Variants in MTA3 observed in about 807,000 individuals in gnomAD.
MTA3 encodes metastasis associated 1 family member 3.
In MTA3, 34 loss-of-function variants were observed where a neutral mutation model predicts 83.5. That is an observed-to-expected ratio of 0.41 (90% confidence interval 0.31 to 0.54). The LOEUF (loss-of-function observed/expected upper bound fraction) is 0.54, where lower values mean the gene tolerates loss of function less well. Ranked by LOEUF, MTA3 falls within the 20% of genes least tolerant of loss-of-function variation. MTA3 has a pLI of 0.33. For synonymous variants in MTA3, 303 were observed against 252.7 expected (o/e 1.20, Z -1.89); for missense variants, 761 against 726.4 (o/e 1.05, Z -0.55).
intron 2 of MTA3, among the ~76,000 whole-genome samples, chr2:42,544,538 T>C (rs1676671166): frequency 7.3e-6 from 1 of 137,602 alleles, no homozygotes. Context: ...CAAAAATAAC[T>C]TTTTTTTTTT....
At chr2:42,677,939 G>A (rs528511243) in intron 8 of MTA3, among the ~76,000 whole-genome samples, 5 of 152,210 alleles carry the variant, frequency 3.3e-5, no homozygotes, top group East Asian at 1.9e-4. Context: ...AGTTGGCTAC[G>A]GGTAACTGAA....
chr2:42,749,301 A>C (rs1423391129), intron 16 of MTA3, among the ~76,000 whole-genome samples: 1 of 152,052 alleles, frequency 6.6e-6, no homozygotes, highest in Non-Finnish European at 1.5e-5. Flanking sequence ...TATTCATCTC[A>C]TACTGCATGA....
In MTA3 at chr2:42,568,641, C is replaced by T; in HGVS notation, c.-105C>T. ...CCCTCCCTTCCCCCCCGTGGCGAGG[C>T]AGCAGCGACGGCGGCGGCGGCAGCG... On this transcript the variant is annotated 5_prime_UTR_variant, in exon 1 of 17. Coordinates refer to ENST00000405094, the MANE Select transcript of MTA3 (RefSeq NM_001330442.2). 3 of 573,482 alleles carry T rather than the reference C, an allele frequency of 5.2e-6. No individual in the cohort carries two copies. The highest frequency in any genetic ancestry group is 9.2e-5 in the East Asian group (1 of 10,814). The allele number at this position is 573,482 out of a possible 1,614,324, so 35.5% of individuals were successfully genotyped here.
chr2:42,581,983 C>T (rs1180828943), intron 3 of MTA3: 1 of 154,022 alleles, frequency 6.5e-6, no homozygotes, highest in African/African-American at 2.4e-5. Context: ...CTCCCAACCT[C>T]AGGTGATCTG....
At position 42,753,762 on chromosome 2, in the gene MTA3, G is replaced by A. The variant is rs1189972618; in HGVS notation, c.*363G>A. 3.1e-5 allele frequency: 35 copies of A among 1,136,452 alleles called. No individual in the cohort carries two copies. In the South Asian group the frequency reaches 7.0e-4, roughly 23 times the overall value. 70.4% of individuals were successfully genotyped at this position (1,136,452 alleles called of 1,614,324 possible). On this transcript the variant is annotated 3_prime_UTR_variant, in exon 17 of 17. Transcript: ENST00000405094. ...GTGGGGCTGCTGCAAGCTCAGAGCCGCTGCCACCCTGCATGTGTCCGCTCA... is the reference window on the plus strand; with the variant it reads ...GTGGGGCTGCTGCAAGCTCAGAGCCACTGCCACCCTGCATGTGTCCGCTCA...
At chr2:42,688,614 G>GTTTTT (rs3040121) in intron 9 of MTA3, among the ~76,000 whole-genome samples, 1 of 121,574 alleles carries the variant, frequency 8.2e-6, no homozygotes, top group Non-Finnish European at 1.7e-5. Flanking sequence ...GCATTCAAGT[G>GTTTTT]TTTTTTTTTT....
intron 2 of MTA3, among the ~76,000 whole-genome samples, chr2:42,577,337 G>T (rs1679169879): frequency 6.6e-6 from 1 of 151,704 alleles, no homozygotes. Flanking sequence ...TGAGTGCATG[G>T]TCAAGAAGAG....
At chr2:42,548,311 A>G (rs1676854587) in intron 2 of MTA3, among the ~76,000 whole-genome samples, 1 of 152,030 alleles carries the variant, frequency 6.6e-6, no homozygotes, top group Admixed American at 6.6e-5. Flanking sequence ...CAAAAAATAC[A>G]AAAAATTAGC....
At chr2:42,495,244 C>G (rs1674079367) in exon 2 of MTA3, 1 of 152,310 alleles carries the variant, frequency 6.6e-6, no homozygotes, top group African/African-American at 2.4e-5. Context: ...AAAAGGCAGA[C>G]AACTGAAAAT....
chr2:42,567,682 C>A (rs1279877201), upstream of MTA3, among the ~76,000 whole-genome samples: 1 of 151,804 alleles, frequency 6.6e-6, no homozygotes. Flanking sequence ...GTAGGAAGGC[C>A]GTGAAAACAG....
intron 2 of MTA3, among the ~76,000 whole-genome samples, chr2:42,540,335 A>G (rs778136506): frequency 2.6e-5 from 4 of 151,498 alleles, no homozygotes; most frequent in Non-Finnish European, 5.9e-5. Flanking sequence ...CACCACACCC[A>G]GCTAATTTAA....
At chr2:42,727,913 G>A (rs1478178662) in intron 16 of MTA3, among the ~76,000 whole-genome samples, 1 of 152,052 alleles carries the variant, frequency 6.6e-6, no homozygotes, top group African/African-American at 2.4e-5. Flanking sequence ...GGGTAAATGG[G>A]TTATCCATTA....
intron 16 of MTA3, among the ~76,000 whole-genome samples, chr2:42,724,296 A>ACACACACACACACACACG (rs1667650554): frequency 6.7e-6 from 1 of 148,334 alleles, no homozygotes; most frequent in Non-Finnish European, 1.5e-5. Flanking sequence ...ACACACACAC[A>ACACACACACACACACACG]CACACACACA....
chr2:42,637,515 A>G (rs575442342), intron 4 of MTA3, among the ~76,000 whole-genome samples: 1 of 152,332 alleles, frequency 6.6e-6, no homozygotes, highest in South Asian at 2.1e-4. Flanking sequence ...CTAACGCTTT[A>G]AATCTCTTTT....
intron 12 of MTA3, among the ~76,000 whole-genome samples, chr2:42,705,140 C>T (rs535084026): frequency 4.8e-4 from 73 of 152,250 alleles, no homozygotes; most frequent in African/African-American, 3.1e-4. Flanking sequence ...GCTGTGAGTA[C>T]GATTACGTCG....
At chr2:42,608,741 A>C (rs1683812572) in intron 3 of MTA3, among the ~76,000 whole-genome samples, 1 of 152,070 alleles carries the variant, frequency 6.6e-6, no homozygotes, top group Non-Finnish European at 1.5e-5. Flanking sequence ...AAAGTTAGCC[A>C]GGTGTGGTGA....
intron 2 of MTA3, among the ~76,000 whole-genome samples, chr2:42,507,565 G>C (rs1424448047): frequency 1.3e-5 from 2 of 151,380 alleles, no homozygotes; most frequent in Non-Finnish European, 2.9e-5. Context: ...CCTATCTTTT[G>C]TTGGTTATTA....
At chr2:42,497,440 C>G (rs1674188223) in intron 2 of MTA3, among the ~76,000 whole-genome samples, 1 of 151,864 alleles carries the variant, frequency 6.6e-6, no homozygotes, top group Non-Finnish European at 1.5e-5. Context: ...CAAAAATTAG[C>G]TGGGCGTGGT....
At chr2:42,745,117 C>G (rs751247555) in intron 16 of MTA3, among the ~76,000 whole-genome samples, 4 of 152,134 alleles carry the variant, frequency 2.6e-5, no homozygotes, top group Non-Finnish European at 4.4e-5. Flanking sequence ...CCTCTATCAG[C>G]CAGATATTTA....
Sources: gnomAD v4.1 joint callset for allele counts (sites outside exome capture counted in the v4.1 genomes callset) on GRCh38, gnomAD v4.1.1 for gene constraint, MANE v1.5 for transcripts, NCBI Gene and HGNC (gene_info 2026-07-23, HGNC 2026-07-21) for gene names.